The following RBM26 variants were observed in gnomAD, a reference collection of about 807,000 sequenced individuals.
RBM26 encodes the protein RNA-binding protein 26.
Under a neutral mutation model 123.6 loss-of-function variants are expected in RBM26, and 30 were observed. The ratio of observed to expected loss-of-function variants is 0.24; its 90% CI spans 0.18 to 0.33. The LOEUF (loss-of-function observed/expected upper bound fraction) is 0.33, where lower values mean the gene tolerates loss of function less well. Ranked by LOEUF, RBM26 falls within the 10% of genes least tolerant of loss-of-function variation. The probability of loss-of-function intolerance (pLI) is 1.00; values close to 1 mark genes in which losing one functional copy is unlikely to be tolerated. For synonymous variants in RBM26, 400 were observed against 404.4 expected, an observed-to-expected ratio of 0.99 and a Z score of 0.13; for missense variants, 947 against 1,203.6, an observed-to-expected ratio of 0.79 and a Z score of 3.15.
intron 11 of RBM26, among the ~76,000 whole-genome samples, chr13:79,357,626 A>G (rs2074181055): frequency 1.3e-5 from 2 of 152,178 alleles, no homozygotes; most frequent in African/African-American, 4.8e-5. Context: ...AAAAGTCTCT[A>G]TTAAGTGCAT....
At chr13:79,349,020 A>G (rs1170397157) in intron 14 of RBM26, among the ~76,000 whole-genome samples, 2 of 152,188 alleles carry the variant, frequency 1.3e-5, no homozygotes, top group Admixed American at 1.3e-4. Context: ...TTAAGTTGAA[A>G]ATACATTTTC....
intron 9 of RBM26, among the ~76,000 whole-genome samples, chr13:79,363,240 A>C (rs765567798): frequency 1.3e-4 from 20 of 152,200 alleles, no homozygotes; most frequent in Non-Finnish European, 2.4e-4. Context: ...CATAATAATA[A>C]GTCTATGACA....
rs1010757442 is a variant in RBM26 at position 79,319,800 on chromosome 13, C to A, written c.*821G>T. On this transcript the variant is annotated 3_prime_UTR_variant, in exon 22 of 22. Coordinates refer to ENST00000438737, the MANE Select transcript of RBM26 (RefSeq NM_001366735.2). ...TACATTATTGTAAGGGTACCAGTAACCATTATTATTAAGAATAAGTTAGTG... is the reference window on the plus strand; with the variant it reads ...TACATTATTGTAAGGGTACCAGTAAACATTATTATTAAGAATAAGTTAGTG... The A allele has an allele frequency of 1.1e-5, 11 of 977,430 alleles. No homozygotes were observed. The Admixed American group carries it at 2.5e-4, about 22-fold the overall frequency. The allele number at this position is 977,430 out of a possible 1,614,324, so 60.5% of individuals were successfully genotyped here.
chr13:79,399,651 G>C (rs2078896105), intron 1 of RBM26, among the ~76,000 whole-genome samples: 1 of 152,100 alleles, frequency 6.6e-6, no homozygotes, highest in Non-Finnish European at 1.5e-5. Flanking sequence ...AACAAGGCTG[G>C]GCATCCATGT....
intron 13 of RBM26, among the ~76,000 whole-genome samples, chr13:79,353,928 G>A (rs2073632084): frequency 1.3e-5 from 2 of 152,160 alleles, no homozygotes; most frequent in Non-Finnish European, 2.9e-5. Context: ...GAATCCCAGA[G>A]TCAGGAATAA....
chr13:79,371,359 C>T (rs1318163603), intron 4 of RBM26, among the ~76,000 whole-genome samples, 197 bp from the exon 5 acceptor site: 1 of 152,068 alleles, frequency 6.6e-6, no homozygotes, highest in Non-Finnish European at 1.5e-5. Context: ...AGCCTTAACC[C>T]TTAGTCTTAT....
At position 79,319,169 on chromosome 13, in the gene RBM26, C is replaced by T. The variant is rs538247952; in HGVS notation, c.*1452G>A. On this transcript the variant is annotated 3_prime_UTR_variant, in exon 22 of 22. Transcript: ENST00000438737. ...TGGGGAAGAAGAAAAAGAACAGCAT[C>T]CTTAAGTTACTCCACTGGCAGAAGA... 1.0e-6 allele frequency: 1 copy of T among 984,574 alleles called. No individual in the cohort carries two copies. Among genetic ancestry groups the T allele is most frequent in the African/African-American group, 1.7e-5 (1 of 57,264 alleles). The allele number at this position is 984,574 out of a possible 1,614,324, so 61.0% of individuals were successfully genotyped here.
chr13:79,315,700 C>T (rs760300302), downstream of RBM26, among the ~76,000 whole-genome samples: 4 of 151,782 alleles, frequency 2.6e-5, no homozygotes, highest in Non-Finnish European at 5.9e-5. Flanking sequence ...GTAACAAGCA[C>T]ATAATATGGA....
At chr13:79,370,725 G>T (rs2140020772) in intron 5 of RBM26, among the ~76,000 whole-genome samples, 1 of 152,262 alleles carries the variant, frequency 6.6e-6, no homozygotes, top group Non-Finnish European at 1.5e-5. Flanking sequence ...GAATCAGTCT[G>T]TATCATCGTG....
Position 79,319,967 on chromosome 13 carries a change from T to TTTTTTTTAA in RBM26, c.*653_*654insTTAAAAAAA. On this transcript the variant is annotated 3_prime_UTR_variant, in exon 22 of 22. Transcript: ENST00000438737. ...GTCTTGGCTTTTTTTTTTTTTTTTT[T>TTTTTTTTAA]TTTGTCATTGCTTTTCTCTTTTCTT... The TTTTTTTTAA allele has an allele frequency of 1.7e-6, 1 of 596,282 alleles. No individual in the cohort carries two copies. 36.9% of individuals were successfully genotyped at this position (596,282 alleles called of 1,614,324 possible).
At chr13:79,322,584 C>T in intron 20 of RBM26, 122 bp from the exon 21 acceptor site, 1 of 555,072 alleles carries the variant, frequency 1.8e-6, no homozygotes, top group East Asian at 3.5e-5. Flanking sequence ...GCTATCTGCC[C>T]ATTTGCTTTT....
chr13:79,319,553 A>G lies in RBM26; in HGVS notation c.*1068T>C, dbSNP rs1236602450. 1.0e-6 allele frequency: 1 copy of G among 982,806 alleles called. No individual in the cohort carries two copies. The highest frequency in any genetic ancestry group is 1.8e-5 in the African/African-American group (1 of 57,130). 60.9% of individuals were successfully genotyped at this position (982,806 alleles called of 1,614,324 possible). A position where few individuals can be genotyped will look rare whatever the true frequency, so the allele number is the denominator to read the frequency against. ...CACTTACCAAACAGTGTTTTCCTAA[A>G]GTAGTATCTATAGTACATTTCTTTA... is the stretch of plus-strand genomic sequence containing the variant. On this transcript the variant is annotated 3_prime_UTR_variant, in exon 22 of 22. Transcript: ENST00000438737.
intron 3 of RBM26, among the ~76,000 whole-genome samples, chr13:79,373,980 A>AT (rs1401105040): frequency 6.7e-6 from 1 of 150,240 alleles, no homozygotes; most frequent in Non-Finnish European, 1.5e-5. Context: ...GTAATTAGAA[A>AT]AAGGGACTTA....
chr13:79,396,967 G>T (rs1190863691), intron 1 of RBM26, among the ~76,000 whole-genome samples: 1 of 152,164 alleles, frequency 6.6e-6, no homozygotes, highest in Non-Finnish European at 1.5e-5. Flanking sequence ...ATCACCTGAG[G>T]TCAGGAGTTC....
rs1210650864 is a variant in RBM26, at chr13:79,372,815, T to TATA, written c.328-886_328-885insTAT. Among the ~76,000 whole-genome samples, 2 of 113,024 alleles carry TATA rather than the reference T, an allele frequency of 1.8e-5. 1 individual carries two copies. The highest frequency in any genetic ancestry group is 3.3e-5 in the Non-Finnish European group (2 of 61,282). 74.1% of individuals were successfully genotyped at this position (113,024 alleles called of 152,430 possible). ...TATATTATAATTATATGATATATAT[T>TATA]TATAATAAATATTTTATATAAATAT... On this transcript the variant is annotated intron_variant, in intron 3 of 21. Coordinates refer to ENST00000438737, the MANE Select transcript of RBM26 (RefSeq NM_001366735.2).
At chr13:79,344,438 C>CA in intron 15 of RBM26, 116 bp from the exon 16 acceptor site, 1 of 891,604 alleles carries the variant, frequency 1.1e-6, no homozygotes, top group Non-Finnish European at 1.8e-6. Context: ...ATATGCAAGG[C>CA]TTTTCTATGT....
chr13:79,379,707 A>T (rs1326547939), intron 1 of RBM26, among the ~76,000 whole-genome samples: 1 of 152,084 alleles, frequency 6.6e-6, no homozygotes, highest in South Asian at 2.1e-4. Context: ...AGAACAAAAA[A>T]AAAAACTCAG....
At chr13:79,334,905 C>T (rs1331751189) in intron 19 of RBM26, among the ~76,000 whole-genome samples, 2 of 152,234 alleles carry the variant, frequency 1.3e-5, no homozygotes, top group East Asian at 3.9e-4. Flanking sequence ...GGAAGAGATT[C>T]CAGGTCTCTT....
chr13:79,329,564 C>CA (rs1482389231), intron 20 of RBM26, among the ~76,000 whole-genome samples: 1 of 151,986 alleles, frequency 6.6e-6, no homozygotes, highest in African/African-American at 2.4e-5. Flanking sequence ...CCAGAAGGAA[C>CA]AGAACCACTA....
Sources: allele counts gnomAD v4.1 joint callset (sites outside exome capture counted in the v4.1 genomes callset), GRCh38; gene constraint gnomAD v4.1.1; transcripts MANE v1.5; gene names NCBI Gene and HGNC (gene_info 2026-07-23, HGNC 2026-07-21).